Variants in TUSC3 observed in about 807,000 individuals in gnomAD.
The protein encoded by TUSC3 is tumor suppressor candidate 3.
TUSC3 carries 45 observed loss-of-function variants against 44.8 expected under a neutral mutation model. The observed-to-expected ratio is 1.00, with a 90% CI of 0.79 to 1.29. The LOEUF (loss-of-function observed/expected upper bound fraction) is 1.29, where lower values mean the gene tolerates loss of function less well. Ranked by LOEUF, TUSC3 falls within the 50% of genes most tolerant of loss-of-function variation. The probability of loss-of-function intolerance (pLI) is 0.00; values close to 1 mark genes in which losing one functional copy is unlikely to be tolerated. For synonymous variants in TUSC3, 212 were observed against 152.9 expected (o/e 1.39, Z -2.85); for missense variants, 519 against 437.9 (o/e 1.19, Z -1.65).
intron 7 of TUSC3, among the ~76,000 whole-genome samples, chr8:15,740,056 A>G (rs566141919): frequency 6.6e-6 from 1 of 152,302 alleles, no homozygotes; most frequent in Admixed American, 6.5e-5. Context: ...TGTAAAACGT[A>G]TACAATCTGA....
chr8:15,449,924 T>C (rs1202217061), intron 1 of TUSC3, among the ~76,000 whole-genome samples: 2 of 152,128 alleles, frequency 1.3e-5, no homozygotes, highest in African/African-American at 2.4e-5. Context: ...GTATTCAGTG[T>C]AGTCATGCTG....
At position 15,521,603 on chromosome 8, in the gene TUSC3, T is replaced by C. The variant is rs116413917; in HGVS notation, n.189+38120T>C. Among the ~76,000 whole-genome samples the C allele has an allele frequency of 7.0e-3, 1,028 of 147,066 alleles. 11 individuals are homozygous for C. Among genetic ancestry groups the C allele is most frequent in the African/African-American group, 0.026 (964 of 37,056 alleles). On this transcript the variant is annotated intron_variant and non_coding_transcript_variant, in intron 2 of 5. Coordinates refer to the TUSC3 transcript ENST00000503191. Reference sequence around the variant, plus strand: ...ACATAAAATACAGTAACACAAACGATAGGTAATTACCCCCCCCAAAAAAAG... The same window carrying C: ...ACATAAAATACAGTAACACAAACGACAGGTAATTACCCCCCCCAAAAAAAG...
At chr8:15,447,830 C>G (rs1031111917) in intron 1 of TUSC3, among the ~76,000 whole-genome samples, 1 of 150,516 alleles carries the variant, frequency 6.6e-6, no homozygotes, top group Non-Finnish European at 1.5e-5. Context: ...TGATACCATG[C>G]GAGAACCCAT....
chr8:15,538,362 G>A (rs1801558724), upstream of TUSC3, among the ~76,000 whole-genome samples: 1 of 152,194 alleles, frequency 6.6e-6, no homozygotes, highest in Non-Finnish European at 1.5e-5. Flanking sequence ...TTTGTCTAAA[G>A]TTTTTAACAG....
the TUSC3 span, chr8:15,807,047 G>A: frequency 7.0e-6 from 10 of 1,418,498 alleles, no homozygotes; most frequent in South Asian, 4.6e-5. Flanking sequence ...GGTTATCGGC[G>A]ATGTGATCTA....
intron 2 of TUSC3, among the ~76,000 whole-genome samples, chr8:15,630,368 CAT>C (rs1805704998): frequency 1.3e-5 from 2 of 152,066 alleles, no homozygotes; most frequent in African/African-American, 4.8e-5. Context: ...TATTAACTAA[CAT>C]TTATTCTCTC....
intron 2 of TUSC3, among the ~76,000 whole-genome samples, chr8:15,494,418 A>G (rs1158500789): frequency 1.3e-5 from 2 of 151,284 alleles, no homozygotes; most frequent in Non-Finnish European, 2.9e-5. Flanking sequence ...CCCAGGTTCA[A>G]GTGATTCTGC....
intron 1 of TUSC3, among the ~76,000 whole-genome samples, chr8:15,436,697 A>C (rs1026826450): frequency 1.4e-5 from 2 of 146,688 alleles, no homozygotes; most frequent in African/African-American, 5.5e-5. Flanking sequence ...GAACTTTCAC[A>C]AAAAAAATAC....
chr8:15,653,379 T>A (rs10107092), intron 3 of TUSC3, among the ~76,000 whole-genome samples: 130,259 of 152,206 alleles, frequency 0.86, 55,932 homozygotes, highest in Non-Finnish European at 0.88. Context: ...TATTTTTTTT[T>A]AAAATCTTCT....
At chr8:15,706,389 A>G (rs1159456809) in intron 6 of TUSC3, among the ~76,000 whole-genome samples, 1 of 152,064 alleles carries the variant, frequency 6.6e-6, no homozygotes, top group African/African-American at 2.4e-5. Context: ...TGAAAGAAAG[A>G]TTTCTCATAA....
intron 9 of TUSC3, among the ~76,000 whole-genome samples, chr8:15,750,139 C>T (rs762015031): frequency 2.6e-5 from 4 of 151,626 alleles, no homozygotes; most frequent in East Asian, 3.9e-4. Context: ...GCCACCATGC[C>T]TGGCTAATTT....
At chr8:15,760,895 C>G (rs918435616) in intron 10 of TUSC3, among the ~76,000 whole-genome samples, 3 of 152,162 alleles carry the variant, frequency 2.0e-5, no homozygotes, top group Non-Finnish European at 2.9e-5. Context: ...GTCCCTGCAT[C>G]TTACTTGTTC....
At chr8:15,558,712 A>G (rs1348543135) in intron 1 of TUSC3, among the ~76,000 whole-genome samples, 3 of 120,552 alleles carry the variant, frequency 2.5e-5, no homozygotes, top group African/African-American at 5.9e-5. Flanking sequence ...CAGAGATTCA[A>G]CTTCTTCCTG....
the TUSC3 span, among the ~76,000 whole-genome samples, chr8:15,826,236 G>A: frequency 6.6e-6 from 1 of 152,110 alleles, no homozygotes; most frequent in Non-Finnish European, 1.5e-5. Flanking sequence ...TGGGAATTTT[G>A]AAATTTATGG....
Position 15,735,736 on chromosome 8 carries a change from G to T in TUSC3, c.862+5007G>T, listed in dbSNP as rs144925247. Among the ~76,000 whole-genome samples the T allele has an allele frequency of 3.4e-3, 510 of 152,092 alleles. 1 individual carries two copies. Among genetic ancestry groups the T allele is most frequent in the Middle Eastern group, 0.01 (3 of 294 alleles). Reference sequence around the variant, plus strand: ...TTTTGAGACGGAGTCTCACTTCTTGGTCGCCCAGGCTGGAGTGCAGTGGCG... The same window carrying T: ...TTTTGAGACGGAGTCTCACTTCTTGTTCGCCCAGGCTGGAGTGCAGTGGCG... On this transcript the variant is annotated intron_variant, in intron 7 of 10. Coordinates refer to ENST00000503731, the MANE Select transcript of TUSC3 (RefSeq NM_006765.4).
At chr8:15,476,208 A>G (rs1012380887) in intron 1 of TUSC3, among the ~76,000 whole-genome samples, 52 of 152,190 alleles carry the variant, frequency 3.4e-4, no homozygotes, top group African/African-American at 9.2e-4. Context: ...AAACCAAGTA[A>G]TGTCTAATCC....
intron 2 of TUSC3, among the ~76,000 whole-genome samples, chr8:15,641,258 G>C (rs992373613): frequency 1.3e-5 from 2 of 152,004 alleles, no homozygotes; most frequent in Non-Finnish European, 2.9e-5. Flanking sequence ...CTACTCGGGA[G>C]GCTGAGGCAG....
intron 1 of TUSC3, among the ~76,000 whole-genome samples, chr8:15,448,868 A>G (rs755793595): frequency 6.6e-6 from 1 of 152,212 alleles, no homozygotes; most frequent in Non-Finnish European, 1.5e-5. Flanking sequence ...AGATCATAGT[A>G]GAGGTGAAAA....
chr8:15,771,726 C>T, the TUSC3 span, among the ~76,000 whole-genome samples: 1 of 151,906 alleles, frequency 6.6e-6, no homozygotes, highest in Admixed American at 6.6e-5. Context: ...TTCTACATAC[C>T]AACATTTATG....
Sources: gnomAD v4.1 joint callset for allele counts (sites outside exome capture counted in the v4.1 genomes callset) on GRCh38, gnomAD v4.1.1 for gene constraint, MANE v1.5 for transcripts, NCBI Gene and HGNC (gene_info 2026-07-23, HGNC 2026-07-21) for gene names.